The following SPOPL variants were observed in gnomAD, a reference collection of about 807,000 sequenced individuals.
SPOPL encodes speckle-type POZ protein-like.
Under a neutral mutation model 53.8 loss-of-function variants are expected in SPOPL, and 23 were observed. That is an observed-to-expected ratio of 0.43 (90% CI 0.31 to 0.61). The LOEUF (loss-of-function observed/expected upper bound fraction) is 0.61, where lower values mean the gene tolerates loss of function less well. Ranked by LOEUF, SPOPL falls within the 20% of genes least tolerant of loss-of-function variation. The pLI is 0.12. For synonymous variants in SPOPL, 164 were observed against 149.7 expected (o/e 1.10, Z -0.70); for missense variants, 442 against 466.9 (o/e 0.95, Z 0.49).
At chr2:138,522,082 A>ACAC (rs1684571259) in intron 1 of SPOPL, among the ~76,000 whole-genome samples, 1 of 152,170 alleles carries the variant, frequency 6.6e-6, no homozygotes, top group Non-Finnish European at 1.5e-5. Context: ...TGAACCCTTA[A>ACAC]CACCCGGATT....
chr2:138,550,083 T>C (rs1460371117), intron 1 of SPOPL, 74 bp from the exon 2 acceptor site: 1 of 674,040 alleles, frequency 1.5e-6, no homozygotes, highest in Non-Finnish European at 2.6e-6. Flanking sequence ...TTCATGTCTG[T>C]TTAAATATGT....
chr2:138,509,315 A>G (rs1009128029), intron 1 of SPOPL, among the ~76,000 whole-genome samples: 3 of 152,208 alleles, frequency 2.0e-5, no homozygotes, highest in African/African-American at 7.2e-5. Context: ...TTTAGGGTTA[A>G]CAATTAAAAA....
chr2:138,535,217 C>T (rs1314681883), intron 1 of SPOPL, among the ~76,000 whole-genome samples: 1 of 152,110 alleles, frequency 6.6e-6, no homozygotes, highest in Non-Finnish European at 1.5e-5. Flanking sequence ...TTTAAAAATT[C>T]ATTTATTGCT....
chr2:138,509,077 A>G (rs1259947031), intron 1 of SPOPL, among the ~76,000 whole-genome samples: 2 of 152,166 alleles, frequency 1.3e-5, no homozygotes, highest in South Asian at 2.1e-4. Context: ...GCAGATTAAA[A>G]TGATTTTTTT....
intron 1 of SPOPL, among the ~76,000 whole-genome samples, chr2:138,519,887 A>T (rs942889786): frequency 6.6e-6 from 1 of 152,204 alleles, no homozygotes; most frequent in African/African-American, 2.4e-5. Context: ...AATACATTTG[A>T]TTAATTCTGT....
chr2:138,519,782 ACT>A (rs1295775254), intron 1 of SPOPL, among the ~76,000 whole-genome samples: 1 of 152,120 alleles, frequency 6.6e-6, no homozygotes, highest in African/African-American at 2.4e-5. Context: ...ACGGAGTGAG[ACT>A]CTATCAGAAA....
At chr2:138,505,176 C>T (rs951839463) in intron 1 of SPOPL, among the ~76,000 whole-genome samples, 6 of 152,114 alleles carry the variant, frequency 3.9e-5, no homozygotes, top group African/African-American at 1.4e-4. Flanking sequence ...TTAAGCTTCA[C>T]AGCAGAGTTT....
chr2:138,536,331 T>C (rs1188674880), intron 1 of SPOPL, among the ~76,000 whole-genome samples: 1 of 145,828 alleles, frequency 6.9e-6, no homozygotes, highest in Non-Finnish European at 1.5e-5. Flanking sequence ...GTGGAGTCTA[T>C]TTAGTGCCCC....
intron 5 of SPOPL, among the ~76,000 whole-genome samples, chr2:138,557,184 T>G (rs2104898511): frequency 6.6e-6 from 1 of 152,106 alleles, no homozygotes; most frequent in South Asian, 2.1e-4. Flanking sequence ...ATCTGGAGAT[T>G]TAGGTCTAGT....
chr2:138,538,474 T>A (rs960576766), intron 1 of SPOPL, among the ~76,000 whole-genome samples: 2 of 152,216 alleles, frequency 1.3e-5, no homozygotes, highest in Admixed American at 1.3e-4. Flanking sequence ...CTCATAACAA[T>A]TTTTGACTTA....
intron 1 of SPOPL, among the ~76,000 whole-genome samples, chr2:138,522,266 A>T (rs1322359865): frequency 6.6e-6 from 1 of 152,198 alleles, no homozygotes; most frequent in Non-Finnish European, 1.5e-5. Flanking sequence ...CCTTTGACAT[A>T]CAAAAATGTC....
intron 1 of SPOPL, among the ~76,000 whole-genome samples, chr2:138,524,891 C>T (rs1362256950): frequency 1.3e-5 from 2 of 152,030 alleles, no homozygotes; most frequent in South Asian, 4.1e-4. Context: ...CCAGACTGTT[C>T]CAGTCTCTGC....
intron 1 of SPOPL, among the ~76,000 whole-genome samples, chr2:138,516,846 A>G (rs554702537): frequency 6.6e-6 from 1 of 152,362 alleles, no homozygotes; most frequent in East Asian, 1.9e-4. Context: ...TAAGAAAAGA[A>G]TATTATTTGA....
chr2:138,560,107 A>G (rs1490064091), intron 7 of SPOPL, among the ~76,000 whole-genome samples: 1 of 152,168 alleles, frequency 6.6e-6, no homozygotes, highest in East Asian at 1.9e-4. Context: ...AGCTTTATTG[A>G]TCTCAGCAAA....
intron 1 of SPOPL, among the ~76,000 whole-genome samples, chr2:138,534,896 T>C (rs1684894883): frequency 6.6e-6 from 1 of 152,244 alleles, no homozygotes; most frequent in African/African-American, 2.4e-5. Context: ...CATAATGTTT[T>C]CAAGATTCAT....
At chr2:138,559,982 G>A (rs1471098134) in intron 7 of SPOPL, among the ~76,000 whole-genome samples, 3 of 152,070 alleles carry the variant, frequency 2.0e-5, no homozygotes, top group Non-Finnish European at 4.4e-5. Flanking sequence ...GTTTTGGTTT[G>A]GGGAGATGCT....
intron 5 of SPOPL, among the ~76,000 whole-genome samples, chr2:138,553,990 A>G (rs945563003): frequency 6.6e-6 from 1 of 151,814 alleles, no homozygotes; most frequent in South Asian, 2.1e-4. Context: ...CTTAAAGGCT[A>G]TTTAATCCAA....
intron 1 of SPOPL, among the ~76,000 whole-genome samples, chr2:138,535,039 C>G (rs1184667004): frequency 6.6e-6 from 1 of 152,020 alleles, no homozygotes; most frequent in Non-Finnish European, 1.5e-5. Context: ...TCTCTTGAGC[C>G]CAGGAGTTCA....
intron 1 of SPOPL, among the ~76,000 whole-genome samples, chr2:138,546,017 T>C (rs1232025779): frequency 6.6e-6 from 1 of 152,172 alleles, no homozygotes; most frequent in Non-Finnish European, 1.5e-5. Flanking sequence ...ATGATGGTGG[T>C]AGGGACACAC....
Sources: allele counts gnomAD v4.1 joint callset (sites outside exome capture counted in the v4.1 genomes callset), GRCh38; gene constraint gnomAD v4.1.1; transcripts MANE v1.5; gene names NCBI Gene and HGNC (gene_info 2026-07-23, HGNC 2026-07-21).